PRKCE: variants seen among roughly 807,000 people sequenced by gnomAD.
The protein encoded by PRKCE is protein kinase C epsilon type.
A neutral mutation model predicts 85.4 loss-of-function variants in PRKCE; 16 were observed. The ratio of observed to expected loss-of-function variants is 0.19; its 90% CI spans 0.13 to 0.28. PRKCE has a LOEUF of 0.28. Among genes scored for constraint, PRKCE ranks in the 10% least tolerant of loss-of-function variants. PRKCE has a pLI of 1.00. For missense variants in PRKCE, 573 were observed against 975.2 expected (o/e 0.59, Z 5.49); for synonymous variants, 388 against 371.5 (o/e 1.04, Z -0.51).
chr2:45,849,627 C>T (rs541674514), intron 2 of PRKCE, among the ~76,000 whole-genome samples: 6 of 152,296 alleles, frequency 3.9e-5, no homozygotes, highest in East Asian at 1.9e-4. Context: ...TTGTGCCTTA[C>T]GCAATAAGAT....
chr2:45,904,686 A>T (rs539853148), intron 2 of PRKCE, among the ~76,000 whole-genome samples: 1 of 152,308 alleles, frequency 6.6e-6, no homozygotes, highest in East Asian at 1.9e-4. Flanking sequence ...GAAGAAAAAG[A>T]ATCAAACTAA....
intron 2 of PRKCE, among the ~76,000 whole-genome samples, chr2:45,948,171 C>T (rs1409461114): frequency 3.3e-5 from 5 of 152,194 alleles, no homozygotes; most frequent in Non-Finnish European, 5.9e-5. Flanking sequence ...ATTCAATGCA[C>T]TGGGGTTAAG....
intron 2 of PRKCE, among the ~76,000 whole-genome samples, chr2:45,927,364 T>A (rs1698713000): frequency 6.6e-6 from 1 of 152,214 alleles, no homozygotes; most frequent in Non-Finnish European, 1.5e-5. Context: ...TGCTAAGCAC[T>A]TTTATGTATA....
chr2:46,074,925 A>G (rs971387814), intron 10 of PRKCE, among the ~76,000 whole-genome samples: 3 of 152,236 alleles, frequency 2.0e-5, no homozygotes, highest in African/African-American at 7.2e-5. Context: ...ATCGTGGGGA[A>G]TCGCCTGAGC....
At chr2:45,850,954 C>A (rs941825888) in intron 2 of PRKCE, among the ~76,000 whole-genome samples, 1 of 152,336 alleles carries the variant, frequency 6.6e-6, no homozygotes, top group East Asian at 1.9e-4. Flanking sequence ...GAAGCTCATG[C>A]TCTGCTAGAA....
chr2:45,745,767 A>G (rs1452630419), intron 1 of PRKCE, among the ~76,000 whole-genome samples: 2 of 152,108 alleles, frequency 1.3e-5, no homozygotes, highest in African/African-American at 4.8e-5. Flanking sequence ...TGTCCTCAGT[A>G]TCTGAACAGT....
chr2:46,101,670 T>C (rs1671239328), intron 11 of PRKCE, among the ~76,000 whole-genome samples: 1 of 152,146 alleles, frequency 6.6e-6, no homozygotes, highest in Admixed American at 6.5e-5. Flanking sequence ...GATCCTAGTA[T>C]TTAATAGAAT....
chr2:45,933,461 C>T (rs1270599198), intron 2 of PRKCE, among the ~76,000 whole-genome samples: 5 of 133,522 alleles, frequency 3.7e-5, no homozygotes, highest in African/African-American at 1.4e-4. Context: ...CCTCATATGC[C>T]TGCTTTTTTT....
chr2:45,819,151 G>A (rs1446484045), intron 1 of PRKCE, among the ~76,000 whole-genome samples: 1 of 152,120 alleles, frequency 6.6e-6, no homozygotes, highest in East Asian at 1.9e-4. Flanking sequence ...ACTCTGTCAG[G>A]CATAGTTTCT....
rs71394871 is a variant in PRKCE, at chr2:46,062,668, CTTTTTTTTTTT to C, written c.1438-23525_1438-23515del. Among the ~76,000 whole-genome samples the C allele has an allele frequency of 5.2e-3, 382 of 73,328 alleles. 3 individuals are homozygous for C. The highest frequency in any genetic ancestry group is 0.021 in the African/African-American group (361 of 16,838). The allele number at this position is 73,328 out of a possible 152,430, so 48.1% of individuals were successfully genotyped here. ...GAGTTGAAGGGTATAAAAGCTCAGC[CTTTTTTTTTTT>C]TTTTTTTTTTTTTTGAGATGGTCTC... On this transcript the variant is annotated intron_variant, in intron 10 of 14. Transcript: ENST00000306156.
chr2:45,752,668 C>T (rs534124209), intron 1 of PRKCE, among the ~76,000 whole-genome samples: 1 of 152,244 alleles, frequency 6.6e-6, no homozygotes, highest in South Asian at 2.1e-4. Context: ...CTTGGTTTTC[C>T]AGCATATGCT....
intron 1 of PRKCE, among the ~76,000 whole-genome samples, chr2:45,674,374 G>A (rs1676321263): frequency 6.6e-6 from 1 of 152,174 alleles, no homozygotes; most frequent in East Asian, 1.9e-4. Context: ...GGCAATGTCT[G>A]GAATTTTCAG....
At chr2:46,109,527 A>G (rs1672057984) in intron 11 of PRKCE, among the ~76,000 whole-genome samples, 1 of 152,212 alleles carries the variant, frequency 6.6e-6, no homozygotes, top group Non-Finnish European at 1.5e-5. Flanking sequence ...TACATAGGAC[A>G]TCAGATGACT....
intron 1 of PRKCE, among the ~76,000 whole-genome samples, chr2:45,679,877 A>G (rs1268213422): frequency 6.6e-6 from 1 of 152,218 alleles, no homozygotes; most frequent in Non-Finnish European, 1.5e-5. Flanking sequence ...ACCATGCAAC[A>G]TGAAGGTGAA....
rs369295459 is a variant in PRKCE, at chr2:46,050,191, A to G, written c.1438-36017A>G. 1.1e-4 allele frequency among the ~76,000 whole-genome samples: 16 copies of G among 152,242 alleles called. No homozygotes were observed. In the East Asian group the frequency reaches 1.7e-3, roughly 16 times the overall value. ...TGAAATCACATTTACCGTTCACAAG[A>G]AAAAGGCCAAAGCTGGACAAAGGCA... On this transcript the variant is annotated intron_variant, in intron 10 of 14. Coordinates refer to ENST00000306156, the MANE Select transcript of PRKCE (RefSeq NM_005400.3).
rs1379860641 is a variant in PRKCE, at chr2:46,139,790, C to T, written c.1593-5303C>T. Among the ~76,000 whole-genome samples the T allele has an allele frequency of 6.6e-6, 1 of 152,002 alleles. No individual in the cohort carries two copies. Among genetic ancestry groups the T allele is most frequent in the South Asian group, 2.1e-4 (1 of 4,818 alleles). ...AGGAAAGAAAAAGAAGAGTAAGGCT[C>T]TTCCTTTTAAGGAGACTTCCACATA... On this transcript the variant is annotated intron_variant, in intron 11 of 14. Transcript: ENST00000306156. This position sits in a 1 kb window ranked among gnomAD's most constrained non-coding sequence, Gnocchi z 5.2.
intron 1 of PRKCE, among the ~76,000 whole-genome samples, chr2:45,688,698 CT>C (rs1406647785): frequency 2.0e-5 from 3 of 152,162 alleles, no homozygotes; most frequent in Non-Finnish European, 4.4e-5. Context: ...AACACTTCAG[CT>C]ATTGCATTGG....
intron 2 of PRKCE, among the ~76,000 whole-genome samples, chr2:45,849,093 TCAGTATTGCAGG>T (rs1303212825): frequency 6.6e-6 from 1 of 152,212 alleles, no homozygotes; most frequent in African/African-American, 2.4e-5. Flanking sequence ...AAGGCAGTCG[TCAGTATTGCAGG>T]CAGAAATTTT....
chr2:46,113,775 A>G (rs549113314), intron 11 of PRKCE, among the ~76,000 whole-genome samples: 1 of 152,100 alleles, frequency 6.6e-6, no homozygotes, highest in Non-Finnish European at 1.5e-5. Flanking sequence ...TGAGGGATGA[A>G]TGTAACAGGG....
Sources: gnomAD v4.1 joint callset for allele counts (sites outside exome capture counted in the v4.1 genomes callset) on GRCh38, gnomAD v4.1.1 for gene constraint, Gnocchi (gnomAD v3.1) non-coding constraint, MANE v1.5 for transcripts, NCBI Gene and HGNC (gene_info 2026-07-23, HGNC 2026-07-21) for gene names.